RBBP8NL: variants seen among roughly 807,000 people sequenced by gnomAD.
The protein encoded by RBBP8NL is RBBP8 N-terminal like, also known as RBBP8 N-terminal-like protein.
Under a neutral mutation model 62.2 loss-of-function variants are expected in RBBP8NL, and 59 were observed. The observed-to-expected ratio is 0.95, with a 90% CI of 0.77 to 1.18. The LOEUF is 1.18. RBBP8NL is among the 50% of genes most tolerant of loss of function. RBBP8NL has a pLI of 0.00. For synonymous variants in RBBP8NL, 412 were observed against 394.1 expected (o/e 1.05, Z -0.54); for missense variants, 896 against 899.5 (o/e 1.00, Z 0.05).
chr20:62,418,500 C>T lies in RBBP8NL; in HGVS notation c.62-35G>A, dbSNP rs747117580. ...CAAGCAGAGGGGCGGGGGGTCAGGC[C>T]CAGCTGCTGCTTCACCTTCAGTGTC... is the stretch of plus-strand genomic sequence containing the variant. On this transcript the variant is annotated intron_variant, in intron 2 of 13. Transcript: ENST00000252998. 9 of 1,537,682 alleles carry T rather than the reference C, an allele frequency of 5.9e-6. No individual in the cohort carries two copies. The South Asian group carries it at 8.4e-5, about 14-fold the overall frequency.
At position 62,413,816 on chromosome 20, in the gene RBBP8NL, C is replaced by T. The variant is rs574219764; in HGVS notation, c.1530+5G>A. The T allele has an allele frequency of 1.3e-6, 2 of 1,591,290 alleles. No homozygotes were observed. Among genetic ancestry groups the T allele is most frequent in the South Asian group, 2.3e-5 (2 of 87,312 alleles). ...CCGGGTCTGAGCCAGGACCGGGCTC[C>T]TTACCATGGGAGTGGAAGCCTCCTC... On this transcript the variant is annotated splice_donor_5th_base_variant and intron_variant, in intron 10 of 13. Transcript: ENST00000252998.
Position 62,412,655 on chromosome 20 carries a change from C to G in RBBP8NL, c.1845G>C (p.Lys615Asn), listed in dbSNP as rs111674643. The G allele has an allele frequency of 1.4e-5, 23 of 1,607,408 alleles. No individual in the cohort carries two copies. The highest frequency in any genetic ancestry group is 1.1e-4 in the African/African-American group (8 of 75,064). The stretch of plus-strand genomic sequence containing the variant: ...CCCCAGGCTCCGAGGCCCGCTTCCT[C>G]TTCCGTGGTGGACCCTGCCCGTGCT... Reference protein sequence around the residue: ...TQEHGQGPPRKRKRASEPGDK... With the variant: ...TQEHGQGPPRNRKRASEPGDK... Residue 615 changes from lysine to asparagine, a missense_variant, in exon 13 of 14, where the codon AAG (lysine) becomes AAC (asparagine). Coordinates refer to ENST00000252998, the MANE Select transcript of RBBP8NL (RefSeq NM_080833.3).
chr20:62,415,449 C>T lies in RBBP8NL; in HGVS notation c.627+129G>A, dbSNP rs776509098. The T allele has an allele frequency of 2.2e-4, 308 of 1,380,138 alleles. No homozygotes were observed. The highest frequency in any genetic ancestry group is 2.6e-4 in the Non-Finnish European group (263 of 996,844). The allele number at this position is 1,380,138 out of a possible 1,614,324, so 85.5% of individuals were successfully genotyped here. A position where few individuals can be genotyped will look rare whatever the true frequency, so the allele number is the denominator to read the frequency against. On this transcript the variant is annotated intron_variant, in intron 8 of 13. Coordinates refer to ENST00000252998, the MANE Select transcript of RBBP8NL (RefSeq NM_080833.3). The stretch of plus-strand genomic sequence containing the variant: ...CAAATGGAGCGCAGTGGCTCCTGCC[C>T]GGGACAAAGGAGGGGCACATTCAGG...
intron 1 of RBBP8NL, 107 bp downstream of exon 1, chr20:62,427,353 G>A (rs1275936914): frequency 2.0e-5 from 3 of 152,192 alleles, no homozygotes; most frequent in Admixed American, 6.5e-5. Context: ...GGCTCTCCTC[G>A]CAGGAGTCCA....
At chr20:62,420,921 C>T (rs903265778) in intron 1 of RBBP8NL, among the ~76,000 whole-genome samples, 17 of 152,270 alleles carry the variant, frequency 1.1e-4, no homozygotes, top group African/African-American at 4.1e-4. Flanking sequence ...GCCTGGGGAC[C>T]TGGGCTGGAG....
chr20:62,413,475 G>T lies in RBBP8NL; in HGVS notation c.1601C>A (p.Thr534Lys). The change falls in exon 11 of 14, where the codon ACA becomes AAA. Residue 534 changes from threonine to lysine, a missense_variant. By Grantham distance (78) the Thr-to-Lys change is moderately conservative. Coordinates refer to ENST00000252998, the MANE Select transcript of RBBP8NL (RefSeq NM_080833.3). ...SSPGSTEDED[T>K]GRPLPPPHPQ... ...GTGGGGAGGTGGCAGAGGCCTCCCT[G>T]TGTCTTCATCTTCTGTACTGCCTGG... is the stretch of plus-strand genomic sequence containing the variant. 6.7e-7 allele frequency: 1 copy of T among 1,487,992 alleles called. No individual in the cohort carries two copies. The highest frequency in any genetic ancestry group is 1.4e-5 in the African/African-American group (1 of 69,310). 92.2% of individuals were successfully genotyped at this position (1,487,992 alleles called of 1,614,324 possible).
chr20:62,424,908 G>A (rs1249710391), intron 1 of RBBP8NL, among the ~76,000 whole-genome samples: 9 of 152,172 alleles, frequency 5.9e-5, no homozygotes, highest in Admixed American at 5.9e-4. Context: ...TGAGCTGGCT[G>A]GGGCGGGGCA....
At position 62,425,204 on chromosome 20, in the gene RBBP8NL, C is replaced by T. The variant is rs568173637; in HGVS notation, c.-84+2256G>A. Among the ~76,000 whole-genome samples the T allele has an allele frequency of 1.9e-4, 29 of 152,322 alleles. No homozygotes were observed. In the East Asian group the frequency reaches 3.9e-3, roughly 20 times the overall value. On this transcript the variant is annotated intron_variant, in intron 1 of 13. Transcript: ENST00000252998. ...TGAGCAGCCGAGGGAGACCCCGATT[C>T]ACCTGCGCCTCCCTCATGACCTGCG...
chr20:62,412,617 G>C lies in RBBP8NL; in HGVS notation c.1876+7C>G, dbSNP rs371408029. On this transcript the variant is annotated splice_region_variant and intron_variant, in intron 13 of 13. Transcript: ENST00000252998. ...CCTTCCCTGCACCTGCCCCATGCCA[G>C]CTGTACCTTTGTCCCCAGGCTCCGA... 6 of 1,602,646 alleles carry C rather than the reference G, an allele frequency of 3.7e-6. No homozygotes were observed. Among genetic ancestry groups the C allele is most frequent in the Non-Finnish European group, 5.1e-6 (6 of 1,179,664 alleles).
Position 62,423,568 on chromosome 20 carries a change from C to T in RBBP8NL, c.-83-3838G>A, listed in dbSNP as rs1023038757. 4.6e-5 allele frequency among the ~76,000 whole-genome samples: 7 copies of T among 152,112 alleles called. No homozygotes were observed. The South Asian group carries it at 6.2e-4, about 14-fold the overall frequency. ...CCAGCATCTGCCATGTGGGCTGGGC[C>T]GACGCCCATAAAGGAGCCGCCCAAG... On this transcript the variant is annotated intron_variant, in intron 1 of 13. Transcript: ENST00000252998.
In RBBP8NL at chr20:62,412,850, T is replaced by A. The variant is rs1988466311; in HGVS notation, c.1726A>T (p.Thr576Ser). The A allele has an allele frequency of 1.2e-6, 2 of 1,613,400 alleles. No individual in the cohort carries two copies. Among genetic ancestry groups the A allele is most frequent in the Non-Finnish European group, 1.7e-6 (2 of 1,179,998 alleles). The change falls in exon 12 of 14, where the codon ACA (threonine) becomes TCA (serine). Residue 576 changes from threonine (T) to serine (S), a missense_variant. Transcript: ENST00000252998. The stretch of plus-strand genomic sequence containing the variant: ...CCCACCTCGCTGCCTGGGGTGTCTG[T>A]CTCATCCAGTTCGTCGGACTCTGGT... ...LRPESDELDE[T>S]DTPGSEVGLS...
rs1439507568 is a variant in RBBP8NL at position 62,418,910 on chromosome 20, C to A, written c.62-445G>T. On this transcript the variant is annotated intron_variant, in intron 2 of 13. Coordinates refer to ENST00000252998, the MANE Select transcript of RBBP8NL (RefSeq NM_080833.3). ...GCCTGGCTAGCCCCAGCAGCCCCAC[C>A]TCTCTGGGTTGCCTAGGAGGCAGCC... Among the ~76,000 whole-genome samples, 4 of 152,300 alleles carry A rather than the reference C, an allele frequency of 2.6e-5. No individual in the cohort carries two copies. In the East Asian group the frequency reaches 7.7e-4, roughly 29 times the overall value.
At position 62,415,200 on chromosome 20, in the gene RBBP8NL, C is replaced by T. The variant is rs372018613; in HGVS notation, c.715G>A (p.Ala239Thr). The change falls in exon 9 of 14, where the codon GCC becomes ACC. Residue 239 changes from alanine (A) to threonine (T), a missense_variant. Coordinates refer to ENST00000252998, the MANE Select transcript of RBBP8NL (RefSeq NM_080833.3). ...GGCAGTGGTGGGGGCGTCCCATTGG[C>T]GGGGCCTCGGTCGGCAGGGCAAGCC... ...SQACPADRGP[A>T]NGTPPPLPAR... 46 of 1,514,684 alleles carry T rather than the reference C, an allele frequency of 3.0e-5. No individual in the cohort carries two copies. The highest frequency in any genetic ancestry group is 2.7e-4 in the Admixed American group (13 of 49,034). The allele number at this position is 1,514,684 out of a possible 1,614,324, so 93.8% of individuals were successfully genotyped here.
chr20:62,415,013 G>A, intron 9 of RBBP8NL, 108 bp downstream of exon 9: 1 of 1,227,840 alleles, frequency 8.1e-7, no homozygotes, highest in Non-Finnish European at 1.1e-6. Flanking sequence ...AGCCAAGCCA[G>A]AGAAGTTCAG....
intron 3 of RBBP8NL, among the ~76,000 whole-genome samples, chr20:62,417,666 C>T (rs1262743934): frequency 1.1e-5 from 1 of 94,158 alleles, no homozygotes; most frequent in Non-Finnish European, 2.1e-5. Context: ...TCCACGCACC[C>T]CCCCCAGTCA....
At chr20:62,426,028 T>G (rs929642985) in intron 1 of RBBP8NL, among the ~76,000 whole-genome samples, 8 of 109,080 alleles carry the variant, frequency 7.3e-5, no homozygotes, top group East Asian at 2.7e-4. Flanking sequence ...GGCAGTGGCA[T>G]TAGCAGTGGC....
In RBBP8NL at chr20:62,413,915, G is replaced by A; in HGVS notation, c.1436C>T (p.Thr479Ile). The A allele has an allele frequency of 6.3e-7, 1 of 1,593,448 alleles. No individual in the cohort carries two copies. The highest frequency in any genetic ancestry group is 1.1e-5 in the South Asian group (1 of 88,036). Residue 479 changes from threonine to isoleucine, a missense_variant, in exon 10 of 14, where the codon ACC becomes ATC. By Grantham distance (89) the Thr-to-Ile change is moderately conservative. Coordinates refer to ENST00000252998, the MANE Select transcript of RBBP8NL (RefSeq NM_080833.3). ...AAHTASPEPP[T>I]QSGPLTRSPQ... Reference sequence around the variant, plus strand: ...ACTGCGAGTCAGGGGTCCGGACTGGGTGGGTGGCTCGGGGCTGGCAGTGTG... The same window carrying A: ...ACTGCGAGTCAGGGGTCCGGACTGGATGGGTGGCTCGGGGCTGGCAGTGTG...
chr20:62,417,546 CCG>C (rs1988601000), intron 3 of RBBP8NL, among the ~76,000 whole-genome samples: 1 of 70,082 alleles, frequency 1.4e-5, no homozygotes, highest in Non-Finnish European at 3.0e-5. Context: ...GACGTCTGTC[CCG>C]TCCACGCAAC....
At position 62,416,468 on chromosome 20, in the gene RBBP8NL, G is replaced by A. The variant is rs530748516; in HGVS notation, c.314-232C>T. On this transcript the variant is annotated intron_variant, in intron 5 of 13. Transcript: ENST00000252998. Reference sequence around the variant, plus strand: ...GGGCTTGCCCTTGGTCATCAGGAGGGCCACTGGGGCCTCAGCACTGCAGGA... The same window carrying A: ...GGGCTTGCCCTTGGTCATCAGGAGGACCACTGGGGCCTCAGCACTGCAGGA... Among the ~76,000 whole-genome samples the A allele has an allele frequency of 1.8e-3, 275 of 152,334 alleles. 1 individual carries two copies. The highest frequency in any genetic ancestry group is 5.9e-3 in the African/African-American group (245 of 41,568).
Sources: gnomAD v4.1 joint callset for allele counts (sites outside exome capture counted in the v4.1 genomes callset) on GRCh38, gnomAD v4.1.1 for gene constraint, MANE v1.5 for transcripts, NCBI Gene and HGNC (gene_info 2026-07-23, HGNC 2026-07-21) for gene names.